Variants in HTR7 observed in about 807,000 individuals in gnomAD.
The protein encoded by HTR7 is 5-HT-7.
Under a neutral mutation model 34.0 loss-of-function variants are expected in HTR7, and 16 were observed. The ratio of observed to expected loss-of-function variants is 0.47; its 90% CI spans 0.32 to 0.71. The LOEUF is 0.71. HTR7 is among the 30% of genes least tolerant of loss of function. HTR7 has a pLI of 0.04. For missense variants in HTR7, 504 were observed against 625.5 expected (o/e 0.81, Z 2.07); for synonymous variants, 265 against 260.2 (o/e 1.02, Z -0.18).
At chr10:90,833,617 A>G (rs1383234581) in intron 1 of HTR7, among the ~76,000 whole-genome samples, 1 of 152,198 alleles carries the variant, frequency 6.6e-6, no homozygotes, top group Non-Finnish European at 1.5e-5. Flanking sequence ...GGAGTTGTTA[A>G]TGGCTTTTAT....
At chr10:90,809,907 T>C (rs1589460557) in intron 1 of HTR7, among the ~76,000 whole-genome samples, 1 of 152,220 alleles carries the variant, frequency 6.6e-6, no homozygotes, top group South Asian at 2.1e-4. Flanking sequence ...TGACACTGCC[T>C]GATCACCTCG....
At chr10:90,744,643 C>T (rs2119661410) in intron 2 of HTR7, among the ~76,000 whole-genome samples, 2 of 152,144 alleles carry the variant, frequency 1.3e-5, no homozygotes, top group Middle Eastern at 6.8e-3. Flanking sequence ...CTGGCCTCTA[C>T]CCAGTAGATG....
At chr10:90,791,423 G>T (rs1845458010) in intron 1 of HTR7, among the ~76,000 whole-genome samples, 1 of 152,048 alleles carries the variant, frequency 6.6e-6, no homozygotes, top group Admixed American at 6.6e-5. Flanking sequence ...TACTGAAGTT[G>T]CACATTGAAC....
intron 1 of HTR7, among the ~76,000 whole-genome samples, chr10:90,788,024 A>G (rs906400956): frequency 7.2e-5 from 11 of 152,162 alleles, no homozygotes; most frequent in African/African-American, 2.7e-4. Flanking sequence ...TATTAAATAA[A>G]TGATTTGCCT....
At chr10:90,802,868 T>C (rs1242072539) in intron 1 of HTR7, among the ~76,000 whole-genome samples, 1 of 152,200 alleles carries the variant, frequency 6.6e-6, no homozygotes, top group Non-Finnish European at 1.5e-5. Context: ...CAGCTTTTGA[T>C]TTCCTGTCTT....
chr10:90,796,459 C>T (rs2119902575), intron 1 of HTR7, among the ~76,000 whole-genome samples: 1 of 152,278 alleles, frequency 6.6e-6, no homozygotes, highest in South Asian at 2.1e-4. Flanking sequence ...ACTTACAAAA[C>T]AAATTTTAGA....
intron 1 of HTR7, among the ~76,000 whole-genome samples, chr10:90,818,385 A>C (rs1285137262): frequency 6.6e-6 from 1 of 152,124 alleles, no homozygotes; most frequent in Non-Finnish European, 1.5e-5. Flanking sequence ...GTCTCTACTG[A>C]AAACACAAAA....
chr10:90,750,068 T>C (rs887048162), intron 1 of HTR7, among the ~76,000 whole-genome samples: 1 of 152,224 alleles, frequency 6.6e-6, no homozygotes, highest in African/African-American at 2.4e-5. Flanking sequence ...CATTTTAGCT[T>C]TCCCTTTGCA....
At chr10:90,798,838 G>T (rs1845580053) in intron 1 of HTR7, among the ~76,000 whole-genome samples, 1 of 152,174 alleles carries the variant, frequency 6.6e-6, no homozygotes, top group South Asian at 2.1e-4. Context: ...GAGGAACTTA[G>T]TTATAGTTTA....
At chr10:90,804,192 C>T (rs925886481) in intron 1 of HTR7, among the ~76,000 whole-genome samples, 4 of 152,072 alleles carry the variant, frequency 2.6e-5, no homozygotes, top group Non-Finnish European at 5.9e-5. Context: ...ACCTTCTTCC[C>T]GCACCATCCC....
At chr10:90,815,196 A>G (rs1209972165) in intron 1 of HTR7, among the ~76,000 whole-genome samples, 2 of 151,928 alleles carry the variant, frequency 1.3e-5, no homozygotes, top group Admixed American at 6.6e-5. Flanking sequence ...GGTTCAACCA[A>G]TTCTCCTGCC....
At chr10:90,799,338 C>CATGAATGAATGAATGAATGAATGA (rs113835217) in intron 1 of HTR7, among the ~76,000 whole-genome samples, 1 of 150,440 alleles carries the variant, frequency 6.6e-6, no homozygotes, top group Non-Finnish European at 1.5e-5. Context: ...GCCGGCTCTG[C>CATGAATGAATGAATGAATGAATGA]ATGAATGAAT....
chr10:90,813,251 G>C (rs978341858), intron 1 of HTR7, among the ~76,000 whole-genome samples: 1 of 152,150 alleles, frequency 6.6e-6, no homozygotes, highest in Non-Finnish European at 1.5e-5. Flanking sequence ...TCACACGGAC[G>C]CGCATGAAAC....
chr10:90,824,966 A>G (rs2120025871), intron 1 of HTR7, among the ~76,000 whole-genome samples: 1 of 152,302 alleles, frequency 6.6e-6, no homozygotes, highest in Non-Finnish European at 1.5e-5. Context: ...CTGGCTGTAG[A>G]GCCCTAGGGC....
At chr10:90,762,334 AG>A (rs1844953546) in intron 1 of HTR7, among the ~76,000 whole-genome samples, 1 of 152,212 alleles carries the variant, frequency 6.6e-6, no homozygotes, top group South Asian at 2.1e-4. Flanking sequence ...TATCCCAAAA[AG>A]TGTGAGGTGA....
intron 1 of HTR7, among the ~76,000 whole-genome samples, chr10:90,765,527 T>G (rs935057674): frequency 1.3e-5 from 2 of 151,920 alleles, no homozygotes; most frequent in African/African-American, 2.4e-5. Context: ...CTATTTCATT[T>G]TTTTTTTTGC....
chr10:90,802,518 A>G (rs999003000), intron 1 of HTR7, among the ~76,000 whole-genome samples: 2 of 152,248 alleles, frequency 1.3e-5, no homozygotes, highest in Admixed American at 1.3e-4. Flanking sequence ...AGGCTTTTGA[A>G]TTGAGTCACT....
chr10:90,799,035 T>C (rs1314455659), intron 1 of HTR7, among the ~76,000 whole-genome samples: 1 of 152,210 alleles, frequency 6.6e-6, no homozygotes, highest in African/African-American at 2.4e-5. Flanking sequence ...ACATCACTAT[T>C]GTAAAACCTA....
chr10:90,825,845 G>C (rs1194431452), intron 1 of HTR7, among the ~76,000 whole-genome samples: 1 of 152,060 alleles, frequency 6.6e-6, no homozygotes, highest in African/African-American at 2.4e-5. Context: ...AAAAAATGAA[G>C]CACACCTACA....
Sources: allele counts gnomAD v4.1 joint callset (sites outside exome capture counted in the v4.1 genomes callset), GRCh38; gene constraint gnomAD v4.1.1; transcripts MANE v1.5; gene names NCBI Gene and HGNC (gene_info 2026-07-23, HGNC 2026-07-21).